The following ATG13 variants were observed in gnomAD, a reference collection of about 807,000 sequenced individuals.
ATG13 encodes the protein autophagy-related protein 13.
ATG13 carries 23 observed loss-of-function variants against 65.5 expected under a neutral mutation model. The observed-to-expected ratio is 0.35, with a 90% CI of 0.25 to 0.50. The LOEUF is 0.50. Ranked by LOEUF, ATG13 falls within the 20% of genes least tolerant of loss-of-function variation. ATG13 has a pLI of 0.98. For synonymous variants in ATG13, 252 were observed against 245.2 expected, an observed-to-expected ratio of 1.03 and a Z score of -0.26; for missense variants, 566 against 677.0, an observed-to-expected ratio of 0.84 and a Z score of 1.82.
At chr11:46,669,869 G>A (rs1343071513) in intron 18 of ATG13, among the ~76,000 whole-genome samples, 1 of 152,142 alleles carries the variant, frequency 6.6e-6, no homozygotes, top group Non-Finnish European at 1.5e-5. Context: ...AGATGCCAGT[G>A]GTACTGGGCA....
chr11:46,631,092 C>T (rs964916731), intron 2 of ATG13: 5 of 152,048 alleles, frequency 3.3e-5, no homozygotes, highest in African/African-American at 9.7e-5. Flanking sequence ...TTATTTATAG[C>T]TTTTTTATGT....
intron 3 of ATG13, among the ~76,000 whole-genome samples, chr11:46,644,800 T>C (rs1277708767): frequency 6.6e-6 from 1 of 152,198 alleles, no homozygotes; most frequent in Non-Finnish European, 1.5e-5. Context: ...GAATTTTGAA[T>C]GCCATATTTT....
At chr11:46,664,982 CTA>C in intron 13 of ATG13, 23 bp downstream of exon 13, 1 of 1,600,992 alleles carries the variant, frequency 6.2e-7, no homozygotes, top group Non-Finnish European at 8.6e-7. Context: ...ATGGGGAGGA[CTA>C]TGGGTTTCCA....
chr11:46,661,927 G>A (rs964316171), intron 11 of ATG13, among the ~76,000 whole-genome samples: 1 of 152,106 alleles, frequency 6.6e-6, no homozygotes, highest in African/African-American at 2.4e-5. Flanking sequence ...GATCACTATT[G>A]TTTCTATTGT....
chr11:46,667,348 G>T (rs565452703), intron 14 of ATG13, among the ~76,000 whole-genome samples: 7 of 152,320 alleles, frequency 4.6e-5, no homozygotes, highest in African/African-American at 1.7e-4. Flanking sequence ...AGTCTGAAAG[G>T]CTGGGGAAGG....
intron 7 of ATG13, 87 bp from the exon 8 acceptor site, chr11:46,656,146 G>A (rs2060008141): frequency 1.6e-6 from 2 of 1,213,176 alleles, no homozygotes; most frequent in Non-Finnish European, 2.4e-6. Flanking sequence ...GGAAGGCTTT[G>A]TTTTATTTTG....
Position 46,672,858 on chromosome 11 carries a change from C to G in ATG13, c.*526C>G. 3 of 1,159,098 alleles carry G rather than the reference C, an allele frequency of 2.6e-6. No individual in the cohort carries two copies. Among genetic ancestry groups the G allele is most frequent in the Non-Finnish European group, 3.3e-6 (3 of 900,316 alleles). 71.8% of individuals were successfully genotyped at this position (1,159,098 alleles called of 1,614,324 possible). A position where few individuals can be genotyped will look rare whatever the true frequency, so the allele number is the denominator to read the frequency against. On this transcript the variant is annotated 3_prime_UTR_variant, in exon 19 of 19. Transcript: ENST00000683050. ...CCTTTACTTCCTGCTATCTTCTTCTCCTCTTCTTCTCTCTCTTGCCTCTAT... is the reference window on the plus strand; with the variant it reads ...CCTTTACTTCCTGCTATCTTCTTCTGCTCTTCTTCTCTCTCTTGCCTCTAT...
chr11:46,655,360 T>G (rs893466811), intron 7 of ATG13, among the ~76,000 whole-genome samples: 1 of 151,994 alleles, frequency 6.6e-6, no homozygotes, highest in African/African-American at 2.4e-5. Flanking sequence ...ATTGCACCAC[T>G]GCACTCCAGC....
intron 14 of ATG13, among the ~76,000 whole-genome samples, chr11:46,665,772 T>C (rs2062169460): frequency 1.3e-5 from 2 of 150,632 alleles, no homozygotes; most frequent in South Asian, 4.2e-4. Context: ...AGTGAGACTC[T>C]GTCTCTCAAA....
chr11:46,654,935 C>T (rs1030534540), intron 7 of ATG13, among the ~76,000 whole-genome samples: 1 of 150,874 alleles, frequency 6.6e-6, no homozygotes, highest in African/African-American at 2.4e-5. Flanking sequence ...CCTGTCTCTA[C>T]CAAAAATACA....
At chr11:46,653,767 C>T (rs1352653962) in intron 7 of ATG13, among the ~76,000 whole-genome samples, 1 of 151,838 alleles carries the variant, frequency 6.6e-6, no homozygotes, top group Non-Finnish European at 1.5e-5. Context: ...GACGGGGTTT[C>T]ACCATGTTAG....
In ATG13 at chr11:46,630,041, A is replaced by G. The variant is rs559407691; in HGVS notation, c.-69-4A>G. On this transcript the variant is annotated splice_region_variant and splice_polypyrimidine_tract_variant and intron_variant, in intron 1 of 18. Transcript: ENST00000683050. ...TTCACAGTCATGATCATATTTCTCT[A>G]CAGCATCTTGGACTCAAGTGATTCT... The G allele has an allele frequency of 1.3e-5, 2 of 151,924 alleles. No individual in the cohort carries two copies. The highest frequency in any genetic ancestry group is 2.4e-5 in the African/African-American group (1 of 41,434). The allele number at this position is 151,924 out of a possible 1,614,324, so 9.4% of individuals were successfully genotyped here.
At chr11:46,665,214 C>A (rs1377909152) in intron 13 of ATG13, among the ~76,000 whole-genome samples, 169 bp from the exon 14 acceptor site, 1 of 152,238 alleles carries the variant, frequency 6.6e-6, no homozygotes, top group Non-Finnish European at 1.5e-5. Flanking sequence ...CCGTGCATTT[C>A]TTCCATTAAC....
intron 2 of ATG13, among the ~76,000 whole-genome samples, chr11:46,636,457 CTG>C (rs2053991830): frequency 6.7e-6 from 1 of 148,910 alleles, no homozygotes; most frequent in Non-Finnish European, 1.5e-5. Context: ...ACTCAGGAGA[CTG>C]AGGCAGGAGA....
At position 46,668,596 on chromosome 11, in the gene ATG13, C is replaced by T. The variant is rs965058691; in HGVS notation, c.1329+20C>T. The T allele has an allele frequency of 2.5e-5, 41 of 1,609,042 alleles. No homozygotes were observed. The highest frequency in any genetic ancestry group is 3.1e-5 in the Non-Finnish European group (37 of 1,175,402). On this transcript the variant is annotated intron_variant, in intron 16 of 18. Coordinates refer to ENST00000683050, the MANE Select transcript of ATG13 (RefSeq NM_001346311.2). ...CCAATGGTGAGCCCACCGTTGACTA[C>T]GAGTTCCCAGTAGATGGTGCGCTAG...
Position 46,666,819 on chromosome 11 carries a change from C to G in ATG13, c.1137-954C>G, listed in dbSNP as rs117650983. Among the ~76,000 whole-genome samples, 1,100 of 152,212 alleles carry G rather than the reference C, an allele frequency of 7.2e-3. 3 individuals are homozygous for G. Among genetic ancestry groups the G allele is most frequent in the Non-Finnish European group, 0.012 (797 of 68,006 alleles). On this transcript the variant is annotated intron_variant, in intron 14 of 18. Coordinates refer to ENST00000683050, the MANE Select transcript of ATG13 (RefSeq NM_001346311.2). ...CCCAGAGATACTGAGATTACTTTGC[C>G]CCCTCACATTCTAAATGAACTTTCT...
intron 6 of ATG13, 50 bp downstream of exon 6, chr11:46,649,233 A>G: frequency 1.3e-6 from 2 of 1,564,594 alleles, no homozygotes; most frequent in Admixed American, 3.7e-5. Flanking sequence ...AGGATAAAGT[A>G]GATGACATCA....
At position 46,644,318 on chromosome 11, in the gene ATG13, C is replaced by G. The variant is rs148400859; in HGVS notation, c.27C>G (p.Asp9Glu). The change falls in exon 3 of 19, where the codon GAC (aspartate) becomes GAG (glutamate). Residue 9 changes from aspartate (D) to glutamate (E), a missense_variant. This residue lies in a region of ATG13 where 179 missense variants were observed against 267.2 expected (regional missense o/e 0.67). Coordinates refer to ENST00000683050, the MANE Select transcript of ATG13 (RefSeq NM_001346311.2). ...TGGAAACTGATCTCAATTCCCAGGA[C>G]AGAAAGGACCTGGACAAGTTTATTA... Reference protein sequence around the residue: METDLNSQDRKDLDKFIKF... With the variant: METDLNSQERKDLDKFIKF... The G allele has an allele frequency of 1.4e-5, 22 of 1,610,182 alleles. No homozygotes were observed. In the African/African-American group the frequency reaches 2.5e-4, roughly 19 times the overall value.
chr11:46,667,936 T>A, intron 15 of ATG13, 49 bp downstream of exon 15: 1 of 1,459,964 alleles, frequency 6.8e-7, no homozygotes, highest in Non-Finnish European at 9.6e-7. Context: ...GTTCTTAGAG[T>A]AAGGCCCCAC....
Sources: allele counts gnomAD v4.1 joint callset (sites outside exome capture counted in the v4.1 genomes callset), GRCh38; gene constraint gnomAD v4.1.1; regional missense constraint gnomAD v4.1.1; transcripts MANE v1.5; gene names NCBI Gene and HGNC (gene_info 2026-07-23, HGNC 2026-07-21).